Variants in FGD5 observed in about 807,000 individuals in gnomAD.
FGD5 encodes FYVE, RhoGEF and PH domain containing 5, also known as FYVE, RhoGEF and PH domain-containing protein 5.
Under a neutral mutation model 133.4 loss-of-function variants are expected in FGD5, and 28 were observed. That is an observed-to-expected ratio of 0.21 (90% CI 0.16 to 0.29). FGD5 has a LOEUF of 0.29. Among genes scored for constraint, FGD5 ranks in the 10% least tolerant of loss-of-function variants. FGD5 has a pLI of 1.00. For synonymous variants in FGD5, 810 were observed against 776.5 expected (o/e 1.04, Z -0.72); for missense variants, 1,858 against 1,895.2 (o/e 0.98, Z 0.36).
intron 1 of FGD5, among the ~76,000 whole-genome samples, chr3:14,848,089 G>C (rs1237365617): frequency 6.6e-6 from 1 of 152,134 alleles, no homozygotes; most frequent in Non-Finnish European, 1.5e-5. Flanking sequence ...AGGAAGTGTC[G>C]GTGTTTACAG....
intron 2 of FGD5, among the ~76,000 whole-genome samples, chr3:14,875,514 A>G (rs1223731626): frequency 6.6e-6 from 1 of 152,136 alleles, no homozygotes; most frequent in African/African-American, 2.4e-5. Flanking sequence ...TCCATGTGGC[A>G]TGGAGGAGTG....
chr3:14,844,204 T>TAAAAAAAAAAAAA (rs1168327274), intron 1 of FGD5, among the ~76,000 whole-genome samples: 1 of 17,228 alleles, frequency 5.8e-5, no homozygotes, highest in Non-Finnish European at 1.0e-4. Context: ...TAATAGGCAT[T>TAAAAAAAAAAAAA]AAAAAAAAAA....
chr3:14,816,825 T>C (rs535145016), upstream of FGD5, among the ~76,000 whole-genome samples: 12 of 152,286 alleles, frequency 7.9e-5, no homozygotes, highest in South Asian at 1.7e-3. Context: ...TTGATGTGGA[T>C]GAAATGGTGT....
intron 11 of FGD5, among the ~76,000 whole-genome samples, chr3:14,916,015 T>C (rs1409876481): frequency 6.6e-6 from 1 of 152,182 alleles, no homozygotes. Context: ...GATGTTGCCA[T>C]GTGCATAGGG....
At position 14,897,686 on chromosome 3, in the gene FGD5, C is replaced by T. The variant is rs753125761; in HGVS notation, c.2909+17C>T. The T allele has an allele frequency of 1.9e-6, 3 of 1,584,632 alleles. No homozygotes were observed. Among genetic ancestry groups the T allele is most frequent in the South Asian group, 1.2e-5 (1 of 86,716 alleles). On this transcript the variant is annotated intron_variant, in intron 5 of 19. Coordinates refer to ENST00000285046, the MANE Select transcript of FGD5 (RefSeq NM_152536.4). Reference sequence around the variant, plus strand: ...GTCAAATTGGTGAGCAGTCCCTGGACCCCCGGGTTCCACTTTTGTTGCACT... The same window carrying T: ...GTCAAATTGGTGAGCAGTCCCTGGATCCCCGGGTTCCACTTTTGTTGCACT...
chr3:14,912,851 A>G (rs1381615923), intron 11 of FGD5, among the ~76,000 whole-genome samples: 1 of 152,142 alleles, frequency 6.6e-6, no homozygotes, highest in African/African-American at 2.4e-5. Context: ...CCTGGTGAAC[A>G]TGGTGAAACC....
intron 1 of FGD5, among the ~76,000 whole-genome samples, chr3:14,837,701 G>T (rs756006985): frequency 2.6e-5 from 4 of 152,144 alleles, no homozygotes; most frequent in Non-Finnish European, 4.4e-5. Context: ...AGTGCTCACG[G>T]TGTTCCACAG....
chr3:14,870,663 G>A (rs930965572), intron 2 of FGD5, among the ~76,000 whole-genome samples: 6 of 152,084 alleles, frequency 3.9e-5, no homozygotes, highest in Non-Finnish European at 8.8e-5. Context: ...CCGGCAGCCC[G>A]TTCCAGCCAT....
chr3:14,835,676 AT>A (rs1197413026), intron 1 of FGD5, among the ~76,000 whole-genome samples: 2 of 152,166 alleles, frequency 1.3e-5, no homozygotes, highest in East Asian at 3.8e-4. Context: ...TTACAGCAAA[AT>A]TTAAGCAAAG....
chr3:14,850,005 C>T (rs1194034140), intron 1 of FGD5, among the ~76,000 whole-genome samples: 1 of 152,198 alleles, frequency 6.6e-6, no homozygotes, highest in Non-Finnish European at 1.5e-5. Flanking sequence ...CTCATAGCTC[C>T]TGGCAACTTC....
At chr3:14,872,135 G>A (rs998534788) in intron 2 of FGD5, among the ~76,000 whole-genome samples, 5 of 152,236 alleles carry the variant, frequency 3.3e-5, no homozygotes, top group African/African-American at 1.2e-4. Flanking sequence ...TCTGGGAGAT[G>A]CCACAGAAGA....
rs756219924 is a variant in FGD5 at position 14,819,652 on chromosome 3, T to A, written c.581T>A (p.Leu194His). The A allele has an allele frequency of 6.5e-7, 1 of 1,548,686 alleles. No individual in the cohort carries two copies. Among genetic ancestry groups the A allele is most frequent in the South Asian group, 1.2e-5 (1 of 83,566 alleles). Residue 194 changes from leucine to histidine, a missense_variant, in exon 1 of 20, where the codon CTC becomes CAC. Around this residue, in one of 3 missense-constraint regions of FGD5, gnomAD observed 1,824 missense variants for 1,848.9 expected, o/e 0.99. Transcript: ENST00000285046. This position sits in a 1 kb window ranked among gnomAD's most constrained non-coding sequence, Gnocchi z 4.1. Reference sequence around the variant, plus strand: ...GGAGAGGGGGTCTTCCAGAGCGACCTCCTCCTGCCTCACATCCATGGAGAG... The same window carrying A: ...GGAGAGGGGGTCTTCCAGAGCGACCACCTCCTGCCTCACATCCATGGAGAG... ...WAGEGVFQSD[L>H]LLPHIHGEDQ...
At chr3:14,850,636 A>G (rs2037142821) in intron 1 of FGD5, among the ~76,000 whole-genome samples, 1 of 152,334 alleles carries the variant, frequency 6.6e-6, no homozygotes, top group East Asian at 1.9e-4. Flanking sequence ...ACAGAAATGC[A>G]TAGCAAGCCC....
intron 1 of FGD5, among the ~76,000 whole-genome samples, chr3:14,859,813 C>G (rs2125101444): frequency 6.6e-6 from 1 of 152,132 alleles, no homozygotes; most frequent in South Asian, 2.1e-4. Flanking sequence ...TTAGTGATAT[C>G]TGAATTTGGT....
At chr3:14,824,302 G>T (rs1159708739) in intron 1 of FGD5, among the ~76,000 whole-genome samples, 1 of 152,192 alleles carries the variant, frequency 6.6e-6, no homozygotes, top group African/African-American at 2.4e-5. Context: ...CGTGGGGCTG[G>T]GGGACCCTGC....
intron 1 of FGD5, among the ~76,000 whole-genome samples, chr3:14,860,791 TAGTG>T (rs1345205997): frequency 6.7e-6 from 1 of 150,194 alleles, no homozygotes; most frequent in East Asian, 2.0e-4. Context: ...GTGGCCAACA[TAGTG>T]AGACCCCTTT....
At chr3:14,897,238 G>A (rs1271327265) in intron 4 of FGD5, 2 of 414,870 alleles carry the variant, frequency 4.8e-6, no homozygotes, top group Non-Finnish European at 8.5e-6. Flanking sequence ...TGGCCACAAC[G>A]AGAGGAGAGT....
At chr3:14,837,553 A>T (rs1049944110) in intron 1 of FGD5, among the ~76,000 whole-genome samples, 2 of 151,798 alleles carry the variant, frequency 1.3e-5, no homozygotes, top group Admixed American at 6.6e-5. Flanking sequence ...ATCTGTCCTC[A>T]CTCTTTGGCC....
chr3:14,846,639 C>G (rs1301459915), intron 1 of FGD5, among the ~76,000 whole-genome samples: 2 of 152,188 alleles, frequency 1.3e-5, no homozygotes, highest in Admixed American at 6.5e-5. Context: ...GAGCCACTGT[C>G]CAGGTCCTCT....
Sources: gnomAD v4.1 joint callset for allele counts (sites outside exome capture counted in the v4.1 genomes callset) on GRCh38, gnomAD v4.1.1 for gene constraint, gnomAD v4.1.1 regional missense constraint, Gnocchi (gnomAD v3.1) non-coding constraint, MANE v1.5 for transcripts, NCBI Gene and HGNC (gene_info 2026-07-23, HGNC 2026-07-21) for gene names.